The following EPB41L5 variants were observed in gnomAD, a reference collection of about 807,000 sequenced individuals.
EPB41L5 encodes band 4.1-like protein 5.
EPB41L5 carries 55 observed loss-of-function variants against 106.6 expected under a neutral mutation model. The ratio of observed to expected loss-of-function variants is 0.52; its 90% CI spans 0.42 to 0.65. The LOEUF (loss-of-function observed/expected upper bound fraction) is 0.65. EPB41L5 is among the 30% of genes least tolerant of loss of function. EPB41L5 has a pLI of 0.00. For synonymous variants in EPB41L5, 297 were observed against 306.7 expected, an observed-to-expected ratio of 0.97 and a Z score of 0.33; for missense variants, 871 against 882.1, an observed-to-expected ratio of 0.99 and a Z score of 0.16.
intron 12 of EPB41L5, among the ~76,000 whole-genome samples, 167 bp downstream of exon 12, chr2:120,090,683 G>C (rs1036297202): frequency 6.6e-6 from 1 of 152,054 alleles, no homozygotes; most frequent in Non-Finnish European, 1.5e-5. Context: ...TATTGTTATT[G>C]GTTATAATTT....
rs1687884096 is a variant in EPB41L5, at chr2:120,175,416, A to G, written c.*509A>G. ...ACACTATAAAGGCAGACTTAGGGCC[A>G]ACTTTTTTTTTTTTTTACAATTATT... On this transcript the variant is annotated 3_prime_UTR_variant, in exon 25 of 25. Coordinates refer to ENST00000263713, the MANE Select transcript of EPB41L5 (RefSeq NM_020909.4). The G allele has an allele frequency of 6.8e-6, 1 of 147,356 alleles. No homozygotes were observed. The highest frequency in any genetic ancestry group is 6.5e-5 in the Admixed American group (1 of 15,302). 9.1% of individuals were successfully genotyped at this position (147,356 alleles called of 1,614,324 possible).
At chr2:120,071,158 A>G (rs925115512) in intron 3 of EPB41L5, among the ~76,000 whole-genome samples, 3 of 152,230 alleles carry the variant, frequency 2.0e-5, no homozygotes, top group Admixed American at 6.5e-5. Flanking sequence ...TACAAAGTCA[A>G]TGTGCAAAAA....
At chr2:120,165,944 G>A (rs1687380010) in intron 22 of EPB41L5, among the ~76,000 whole-genome samples, 1 of 143,842 alleles carries the variant, frequency 7.0e-6, no homozygotes, top group African/African-American at 2.7e-5. Flanking sequence ...CTCCAGTCTG[G>A]GCGACACAGT....
chr2:120,042,971 G>T (rs962148148), intron 3 of EPB41L5, among the ~76,000 whole-genome samples: 2 of 149,516 alleles, frequency 1.3e-5, no homozygotes, highest in African/African-American at 2.5e-5. Flanking sequence ...AGGATATCAT[G>T]GCATTAAGCC....
intron 2 of EPB41L5, among the ~76,000 whole-genome samples, chr2:120,023,141 T>G (rs967271930): frequency 6.6e-6 from 1 of 152,202 alleles, no homozygotes; most frequent in African/African-American, 2.4e-5. Context: ...TGCCAGATGA[T>G]AGTTTCTTTT....
At chr2:120,013,694 G>C (rs1677303049) in intron 1 of EPB41L5, 1 of 152,292 alleles carries the variant, frequency 6.6e-6, no homozygotes, top group South Asian at 2.1e-4. Flanking sequence ...GTGTTCCCAT[G>C]AAAGACGAGG....
intron 16 of EPB41L5, among the ~76,000 whole-genome samples, chr2:120,125,257 G>T (rs963605477): frequency 6.6e-6 from 1 of 152,028 alleles, no homozygotes; most frequent in Non-Finnish European, 1.5e-5. Flanking sequence ...TTGTTGTGCA[G>T]CTTGTTCCAA....
At position 120,100,812 on chromosome 2, in the gene EPB41L5, A is replaced by G. The variant is rs1684099512; in HGVS notation, c.1335A>G (p.Lys445=). Reference sequence around the variant, plus strand: ...CTGGAACAGACCAGCATGACAGGAAATGGTTTGTTAATTCCTTAAACTAAA... The same window carrying G: ...CTGGAACAGACCAGCATGACAGGAAGTGGTTTGTTAATTCCTTAAACTAAA... The part of the protein sequence containing the change: ...QSPGTDQHDR[K]CIPLNIDLLN... The change falls in exon 16 of 25, where the codon AAA becomes AAG. Residue 445 remains lysine (K), a splice_region_variant and synonymous_variant. Coordinates refer to ENST00000263713, the MANE Select transcript of EPB41L5 (RefSeq NM_020909.4). The G allele has an allele frequency of 1.3e-6, 2 of 1,576,434 alleles. No individual in the cohort carries two copies. The highest frequency in any genetic ancestry group is 1.1e-5 in the South Asian group (1 of 88,270).
At chr2:120,103,662 G>A (rs1037092755) in intron 16 of EPB41L5, among the ~76,000 whole-genome samples, 1 of 152,006 alleles carries the variant, frequency 6.6e-6, no homozygotes, top group Non-Finnish European at 1.5e-5. Flanking sequence ...CTTATGTAGA[G>A]TTCTTTTTTC....
chr2:120,105,242 G>A (rs1473531112), intron 16 of EPB41L5: 1 of 982,790 alleles, frequency 1.0e-6, no homozygotes, highest in African/African-American at 1.8e-5. Context: ...ACATGTTAAG[G>A]GAAGCATTTC....
At chr2:120,146,362 CA>C (rs1686406063) in intron 20 of EPB41L5, 73 bp downstream of exon 20, 1 of 1,112,184 alleles carries the variant, frequency 9.0e-7, no homozygotes, top group Non-Finnish European at 1.3e-6. Flanking sequence ...CTCAGTCTGT[CA>C]CCACATGGTT....
chr2:120,053,991 T>C (rs1680459379), intron 3 of EPB41L5, among the ~76,000 whole-genome samples: 1 of 152,182 alleles, frequency 6.6e-6, no homozygotes, highest in Non-Finnish European at 1.5e-5. Flanking sequence ...TGCCAAACTT[T>C]TCCAGTGATG....
intron 6 of EPB41L5, 75 bp from the exon 7 acceptor site, chr2:120,075,626 A>T (rs1038890389): frequency 2.8e-6 from 4 of 1,434,164 alleles, no homozygotes; most frequent in Non-Finnish European, 2.9e-6. Context: ...AACATAAAAC[A>T]TGTATTATTT....
intron 17 of EPB41L5, among the ~76,000 whole-genome samples, chr2:120,130,130 T>G: frequency 8.1e-6 from 1 of 122,840 alleles, no homozygotes; most frequent in African/African-American, 3.1e-5. Context: ...TGGGCAAGAG[T>G]GAGACTCCAT....
chr2:120,152,529 T>C lies in EPB41L5; in HGVS notation c.1793+6240T>C, dbSNP rs570925846. 1.1e-3 allele frequency among the ~76,000 whole-genome samples: 164 copies of C among 152,272 alleles called. 1 individual carries two copies. The highest frequency in any genetic ancestry group is 3.7e-3 in the African/African-American group (155 of 41,568). ...CAGCCTCCCAAATTGCTGGGGATTATAGCTGTGAGCCACCATGCCTGGCTG... is the reference window on the plus strand; with the variant it reads ...CAGCCTCCCAAATTGCTGGGGATTACAGCTGTGAGCCACCATGCCTGGCTG... On this transcript the variant is annotated intron_variant, in intron 20 of 24. Transcript: ENST00000263713.
intron 2 of EPB41L5, among the ~76,000 whole-genome samples, chr2:120,030,713 C>T (rs1678650247): frequency 6.6e-6 from 1 of 150,636 alleles, no homozygotes; most frequent in Admixed American, 6.7e-5. Flanking sequence ...GCCACTATGC[C>T]CGGCTAATTT....
chr2:120,086,471 A>G lies in EPB41L5; in HGVS notation c.804-700A>G, dbSNP rs1230696314. On this transcript the variant is annotated intron_variant, in intron 10 of 24. Coordinates refer to ENST00000263713, the MANE Select transcript of EPB41L5 (RefSeq NM_020909.4). ...CCTCTACCCAAAATTCCTGTTGAAA[A>G]CAGAGTTGAGGCTGGTTGCAGTGGC... Among the ~76,000 whole-genome samples the G allele has an allele frequency of 2.6e-5, 4 of 152,286 alleles. No individual in the cohort carries two copies. In the East Asian group the frequency reaches 7.7e-4, roughly 29 times the overall value.
intron 10 of EPB41L5, among the ~76,000 whole-genome samples, chr2:120,086,670 G>T (rs1289473281): frequency 1.3e-5 from 2 of 152,228 alleles, no homozygotes; most frequent in African/African-American, 4.8e-5. Context: ...GAGCCTGGAA[G>T]TTCACGGCTG....
chr2:120,102,268 T>C (rs981445069), intron 16 of EPB41L5, among the ~76,000 whole-genome samples: 1 of 152,208 alleles, frequency 6.6e-6, no homozygotes, highest in Non-Finnish European at 1.5e-5. Flanking sequence ...TTGGTTTCTT[T>C]GATGCATCCT....
Sources: allele counts gnomAD v4.1 joint callset (sites outside exome capture counted in the v4.1 genomes callset), GRCh38; gene constraint gnomAD v4.1.1; transcripts MANE v1.5; gene names NCBI Gene and HGNC (gene_info 2026-07-23, HGNC 2026-07-21).